The following USP8 variants were observed in gnomAD, a reference collection of about 807,000 sequenced individuals.
USP8 encodes ubiquitin carboxyl-terminal hydrolase 8.
A neutral mutation model predicts 130.0 loss-of-function variants in USP8; 27 were observed. The ratio of observed to expected loss-of-function variants is 0.21; its 90% CI spans 0.15 to 0.29. The LOEUF is 0.29. Ranked by LOEUF, USP8 falls within the 10% of genes least tolerant of loss-of-function variation. The pLI, the probability that USP8 is intolerant of heterozygous loss-of-function variation, is 1.00. For synonymous variants in USP8, 392 were observed against 444.1 expected (o/e 0.88, Z 1.48); for missense variants, 1,029 against 1,312.2 (o/e 0.78, Z 3.33).
rs1176087195 is a variant in USP8, at chr15:50,439,051, T to C, written c.-23T>C. The C allele has an allele frequency of 2.6e-6, 4 of 1,546,736 alleles. No individual in the cohort carries two copies. In the Admixed American group the frequency reaches 5.1e-5, roughly 20 times the overall value. On this transcript the variant is annotated 5_prime_UTR_variant, in exon 2 of 20. Transcript: ENST00000307179. ...GGAAATATAGCATCCATTGTGAAAG[T>C]GGAAAAGTAAAGATAATTCATCATG...
intron 1 of USP8, 124 bp downstream of exon 1, chr15:50,424,638 T>G: frequency 2.5e-6 from 1 of 396,520 alleles, no homozygotes; most frequent in East Asian, 3.6e-5. Flanking sequence ...CGGAGAGGAG[T>G]GGGACAACTC....
In USP8 at chr15:50,494,155, A is replaced by T; in HGVS notation, c.2533A>T (p.Ile845Phe). The T allele has an allele frequency of 6.2e-7, 1 of 1,613,220 alleles. No individual in the cohort carries two copies. The highest frequency in any genetic ancestry group is 8.5e-7 in the Non-Finnish European group (1 of 1,179,936). Residue 845 changes from isoleucine to phenylalanine, a missense_variant, in exon 16 of 20, where the codon ATC becomes TTC. By Grantham distance (21) the Ile-to-Phe change is conservative. Coordinates refer to ENST00000307179, the MANE Select transcript of USP8 (RefSeq NM_005154.5). ...KALWTGQYRY[I>F]SPKDFKITIG... ...CCTGTGGACAGGACAGTATAGATAT[A>T]TCAGTCCAAAGGACTTTAAAATCAC... is the stretch of plus-strand genomic sequence containing the variant.
chr15:50,494,111 T>A lies in USP8; in HGVS notation c.2489T>A (p.Phe830Tyr), dbSNP rs201910907. The A allele has an allele frequency of 6.2e-7, 1 of 1,610,342 alleles. No homozygotes were observed. Among genetic ancestry groups the A allele is most frequent in the East Asian group, 2.2e-5 (1 of 44,852 alleles). Residue 830 changes from phenylalanine to tyrosine, a missense_variant, in exon 16 of 20, where the codon TTT (phenylalanine) becomes TAT (tyrosine). Transcript: ENST00000307179. ...LGHKGEVAEE[F>Y]GIIMKALWTG... The stretch of plus-strand genomic sequence containing the variant: ...CATAAAGGTGAAGTGGCAGAAGAAT[T>A]TGGTATAATCATGAAAGCCCTGTGG...
At chr15:50,431,842 G>C (rs1444487380) in intron 1 of USP8, among the ~76,000 whole-genome samples, 1 of 152,028 alleles carries the variant, frequency 6.6e-6, no homozygotes, top group Non-Finnish European at 1.5e-5. Flanking sequence ...TTTTAGTAGA[G>C]ACGGGGTTTC....
In USP8 at chr15:50,499,643, A is replaced by G. The variant is rs1480573863; in HGVS notation, c.*555A>G. 1 of 152,174 alleles carries G rather than the reference A, an allele frequency of 6.6e-6. No homozygotes were observed. The highest frequency in any genetic ancestry group is 2.4e-5 in the African/African-American group (1 of 41,450). 9.4% of individuals were successfully genotyped at this position (152,174 alleles called of 1,614,324 possible). A position where few individuals can be genotyped will look rare whatever the true frequency, so the allele number is the denominator to read the frequency against. ...GCTTTCTTAGGGAAATGACAGGGCA[A>G]AGCAATTTTTCTGTTGGCTTTGGGC... On this transcript the variant is annotated 3_prime_UTR_variant, in exon 20 of 20. Transcript: ENST00000307179.
At position 50,503,693 on chromosome 15, in the gene USP8, G is replaced by A. The variant is rs2052620755; in HGVS notation, c.*4605G>A. ...CAAATTTATACTACCTGTGTGGTCT[G>A]CGAATCCTGTGAACTTAATATGAAA... On this transcript the variant is annotated 3_prime_UTR_variant, in exon 20 of 20. Transcript: ENST00000307179. The A allele has an allele frequency of 6.6e-6, 1 of 152,184 alleles. No homozygotes were observed. Among genetic ancestry groups the A allele is most frequent in the Admixed American group, 6.5e-5 (1 of 15,286 alleles). 9.4% of individuals were successfully genotyped at this position (152,184 alleles called of 1,614,324 possible).
rs1206314440 is a variant in USP8, at chr15:50,506,750, G to T, written c.*7662G>T. 6.6e-6 allele frequency: 1 copy of T among 151,690 alleles called. No individual in the cohort carries two copies. The highest frequency in any genetic ancestry group is 1.9e-4 in the East Asian group (1 of 5,142). The allele number at this position is 151,690 out of a possible 1,614,324, so 9.4% of individuals were successfully genotyped here. A position where few individuals can be genotyped will look rare whatever the true frequency, so the allele number is the denominator to read the frequency against. On this transcript the variant is annotated 3_prime_UTR_variant, in exon 20 of 20. Coordinates refer to ENST00000307179, the MANE Select transcript of USP8 (RefSeq NM_005154.5). ...CGAGGGGGGCGGATCACGAGGTCAG[G>T]AGATCAAGACTATCCTGGCCAACAC...
intron 3 of USP8, among the ~76,000 whole-genome samples, chr15:50,447,800 C>G (rs1281057832): frequency 6.7e-6 from 1 of 149,664 alleles, no homozygotes; most frequent in African/African-American, 2.5e-5. Flanking sequence ...AACGGGGTCT[C>G]ACTATATGCC....
At chr15:50,498,804 A>G (rs1040887124) in intron 19 of USP8, 76 bp downstream of exon 19, 1 of 1,551,736 alleles carries the variant, frequency 6.4e-7, no homozygotes, top group Non-Finnish European at 8.7e-7. Context: ...TTCCTACCTC[A>G]TGGAAGAGTA....
intron 4 of USP8, among the ~76,000 whole-genome samples, chr15:50,450,183 C>T (rs1306407537): frequency 6.6e-6 from 1 of 151,980 alleles, no homozygotes; most frequent in East Asian, 1.9e-4. Context: ...GCGTGAGCCA[C>T]CCGGCCCCAA....
chr15:50,430,579 A>G (rs189130725), intron 1 of USP8, among the ~76,000 whole-genome samples: 118 of 147,934 alleles, frequency 8.0e-4, no homozygotes, highest in African/African-American at 2.8e-3. Flanking sequence ...TTATTTTTTT[A>G]TTTTTTTTTT....
intron 10 of USP8, among the ~76,000 whole-genome samples, chr15:50,480,600 C>T (rs2051731148): frequency 6.6e-6 from 1 of 151,894 alleles, no homozygotes; most frequent in Non-Finnish European, 1.5e-5. Flanking sequence ...GCTGATAGAC[C>T]TAAGTTGGGA....
chr15:50,472,206 T>G (rs1021585119), intron 8 of USP8, among the ~76,000 whole-genome samples: 2 of 151,856 alleles, frequency 1.3e-5, no homozygotes, highest in Non-Finnish European at 2.9e-5. Context: ...CAGCCCATCA[T>G]GCTTTGATTG....
In USP8 at chr15:50,490,523, C is replaced by G; in HGVS notation, c.2232C>G (p.Asn744Lys). 2.5e-6 allele frequency: 4 copies of G among 1,612,986 alleles called. No homozygotes were observed. The highest frequency in any genetic ancestry group is 2.7e-5 in the African/African-American group (2 of 74,884). Residue 744 changes from asparagine to lysine, a missense_variant and splice_region_variant, in exon 14 of 20, where the codon AAC becomes AAG. Asn to Lys is a moderately conservative substitution (Grantham distance 94). This residue lies in a region of USP8 where 486 missense variants were observed against 522.0 expected (regional missense o/e 0.93). Transcript: ENST00000307179. Reference protein sequence around the residue: ...PTVTPTVNRENKPTCYPKAEI... With the variant: ...PTVTPTVNREKKPTCYPKAEI... ...TAACTCCAACAGTTAATCGGGAAAA[C>G]AAGTATGTTTATCTTAACTCCTAGA...
chr15:50,494,223 A>G lies in USP8; in HGVS notation c.2601A>G (p.Gln867=), dbSNP rs765942716. The change falls in exon 16 of 20, where the codon CAA becomes CAG. Residue 867 remains glutamine, a synonymous_variant. Coordinates refer to ENST00000307179, the MANE Select transcript of USP8 (RefSeq NM_005154.5). ...INDQFAGYSQ[Q]DSQELLLFLM... Reference sequence around the variant, plus strand: ...ACCAGTTTGCAGGATACAGTCAGCAAGATTCACAAGAATTGCTTCTGTTCC... The same window carrying G: ...ACCAGTTTGCAGGATACAGTCAGCAGGATTCACAAGAATTGCTTCTGTTCC... 6.2e-7 allele frequency: 1 copy of G among 1,613,422 alleles called. No individual in the cohort carries two copies. Among genetic ancestry groups the G allele is most frequent in the Admixed American group, 1.7e-5 (1 of 59,820 alleles).
chr15:50,456,573 CAA>C (rs36014118), intron 4 of USP8, among the ~76,000 whole-genome samples: 56 of 104,818 alleles, frequency 5.3e-4, no homozygotes, highest in South Asian at 2.7e-3. Flanking sequence ...GACTCCGTCT[CAA>C]AAAAAAAAAA....
chr15:50,467,142 A>G, intron 7 of USP8: 1 of 306,114 alleles, frequency 3.3e-6, no homozygotes, highest in East Asian at 7.0e-5. Context: ...TTAAAAATAT[A>G]TATATTAGAG....
rs539706688 is a variant in USP8 at position 50,468,240 on chromosome 15, T to C, written c.686+3049T>C. On this transcript the variant is annotated intron_variant, in intron 7 of 19. Transcript: ENST00000307179. ...TGTGAGCCACTGTACCTGGCCTTTT[T>C]TTTTTTTTTTTTTGAGACAGGGTCT... Among the ~76,000 whole-genome samples the C allele has an allele frequency of 2.6e-3, 382 of 147,080 alleles. 2 individuals carry two copies. The highest frequency in any genetic ancestry group is 9.2e-3 in the African/African-American group (366 of 39,796).
chr15:50,476,037 C>T (rs1376563340), intron 8 of USP8, among the ~76,000 whole-genome samples: 2 of 152,144 alleles, frequency 1.3e-5, no homozygotes, highest in Non-Finnish European at 2.9e-5. Context: ...TAGGTATGTG[C>T]ATGTATAAGG....
Sources: gnomAD v4.1 joint callset for allele counts (sites outside exome capture counted in the v4.1 genomes callset) on GRCh38, gnomAD v4.1.1 for gene constraint, gnomAD v4.1.1 regional missense constraint, MANE v1.5 for transcripts, NCBI Gene and HGNC (gene_info 2026-07-23, HGNC 2026-07-21) for gene names.